BMPR1B: variants seen among roughly 807,000 people sequenced by gnomAD.
BMPR1B encodes the protein bone morphogenetic protein receptor type 1B, also known as bone morphogenetic protein receptor type-1B.
A neutral mutation model predicts 59.1 loss-of-function variants in BMPR1B; 12 were observed. The ratio of observed to expected loss-of-function variants is 0.20; its 90% CI spans 0.13 to 0.33. The LOEUF (loss-of-function observed/expected upper bound fraction) is 0.33, where lower values mean the gene tolerates loss of function less well. Ranked by LOEUF, BMPR1B falls within the 10% of genes least tolerant of loss-of-function variation. The pLI is 1.00. For synonymous variants in BMPR1B, 237 were observed against 207.3 expected (o/e 1.14, Z -1.23); for missense variants, 550 against 610.9 (o/e 0.90, Z 1.05).
chr4:95,003,028 A>G (rs913508043), intron 3 of BMPR1B, among the ~76,000 whole-genome samples: 1 of 151,834 alleles, frequency 6.6e-6, no homozygotes, highest in African/African-American at 2.4e-5. Flanking sequence ...GATTTTTTAA[A>G]TATCTATTAG....
intron 3 of BMPR1B, among the ~76,000 whole-genome samples, chr4:95,071,652 G>GTGTGTATATATATATATATATA (rs59539011): frequency 1.2e-5 from 1 of 84,342 alleles, no homozygotes; most frequent in Non-Finnish European, 2.5e-5. Flanking sequence ...GTGTGTGTGT[G>GTGTGTATATATATATATATATA]TATATATATA....
At chr4:95,004,953 A>G (rs1037766492) in intron 3 of BMPR1B, among the ~76,000 whole-genome samples, 8 of 152,206 alleles carry the variant, frequency 5.3e-5, no homozygotes, top group African/African-American at 1.9e-4. Flanking sequence ...AATACCTCAC[A>G]TGTAATTATT....
At chr4:95,125,520 G>C (rs1398737668) in intron 8 of BMPR1B, among the ~76,000 whole-genome samples, 2 of 152,092 alleles carry the variant, frequency 1.3e-5, no homozygotes, top group East Asian at 3.9e-4. Context: ...CAGCTGTGGG[G>C]TTTATGTTTC....
intron 3 of BMPR1B, among the ~76,000 whole-genome samples, chr4:95,045,580 C>T (rs1309616133): frequency 6.6e-6 from 1 of 152,146 alleles, no homozygotes; most frequent in African/African-American, 2.4e-5. Flanking sequence ...CCTTTGCCTT[C>T]CCTTCACCCA....
At chr4:94,971,032 G>A (rs910930529) in intron 2 of BMPR1B, among the ~76,000 whole-genome samples, 4 of 152,134 alleles carry the variant, frequency 2.6e-5, no homozygotes, top group Non-Finnish European at 5.9e-5. Context: ...AACAATTGAA[G>A]CTTTTTTCCC....
intron 3 of BMPR1B, among the ~76,000 whole-genome samples, chr4:95,070,317 ATGAT>A (rs1728183217): frequency 6.6e-6 from 1 of 152,102 alleles, no homozygotes. Context: ...GAAGATTAAA[ATGAT>A]TGAGTTGTTG....
At position 94,908,329 on chromosome 4, in the gene BMPR1B, G is replaced by GTT. The variant is rs58910361; in HGVS notation, c.-113+32438_-113+32439dup. On this transcript the variant is annotated intron_variant, in intron 2 of 12. Coordinates refer to ENST00000515059, the MANE Select transcript of BMPR1B (RefSeq NM_001203.3). The stretch of plus-strand genomic sequence containing the variant: ...TATTTTATACATCACATTTGAAATT[G>GTT]TTTTTTTTTTGGTTCCTATTAATTC... Among the ~76,000 whole-genome samples, 412 of 145,288 alleles carry GTT rather than the reference G, an allele frequency of 2.8e-3. 1 individual carries two copies. Among genetic ancestry groups the GTT allele is most frequent in the African/African-American group, 9.6e-3 (382 of 39,894 alleles).
intron 3 of BMPR1B, among the ~76,000 whole-genome samples, chr4:95,082,090 G>T (rs911703469): frequency 6.7e-6 from 1 of 149,372 alleles, no homozygotes; most frequent in Non-Finnish European, 1.5e-5. Context: ...CCATTAACTC[G>T]TCATTTAGCA....
chr4:95,130,786 AATGGTGTGATCTC>A (rs1178583210), intron 9 of BMPR1B, among the ~76,000 whole-genome samples: 1 of 127,710 alleles, frequency 7.8e-6, no homozygotes, highest in Non-Finnish European at 1.5e-5. Context: ...GCTGGAGTGC[AATGGTGTGATCTC>A]CGCTCACGGT....
chr4:94,879,707 T>A (rs1463376875), intron 2 of BMPR1B, among the ~76,000 whole-genome samples: 1 of 152,172 alleles, frequency 6.6e-6, no homozygotes, highest in African/African-American at 2.4e-5. Context: ...ATCTTTAAAT[T>A]TTTTTCCCCA....
At chr4:94,796,940 C>T (rs1040763633) in intron 1 of BMPR1B, among the ~76,000 whole-genome samples, 4 of 152,170 alleles carry the variant, frequency 2.6e-5, no homozygotes, top group Non-Finnish European at 4.4e-5. Context: ...TATAGTTTGG[C>T]CTCTGTTGGA....
chr4:94,998,351 A>T (rs570057533), intron 3 of BMPR1B, among the ~76,000 whole-genome samples: 1 of 148,208 alleles, frequency 6.7e-6, no homozygotes, highest in East Asian at 2.0e-4. Context: ...TTGTTCTACT[A>T]GTAGTCCAGC....
At chr4:94,790,834 G>A (rs1405011938) in intron 1 of BMPR1B, among the ~76,000 whole-genome samples, 5 of 152,134 alleles carry the variant, frequency 3.3e-5, no homozygotes, top group African/African-American at 4.8e-5. Flanking sequence ...ATCACGATGA[G>A]TGGCTCCTTT....
At chr4:95,125,251 G>T in intron 8 of BMPR1B, 130 bp downstream of exon 8, 1 of 1,178,504 alleles carries the variant, frequency 8.5e-7, no homozygotes, top group Non-Finnish European at 1.2e-6. Context: ...TTGGACATCC[G>T]ATCTCAGCTG....
intron 2 of BMPR1B, among the ~76,000 whole-genome samples, chr4:94,941,068 T>G (rs912587163): frequency 6.6e-6 from 1 of 152,194 alleles, no homozygotes; most frequent in Non-Finnish European, 1.5e-5. Flanking sequence ...AACTAGTTTC[T>G]TTCTCCATGT....
chr4:94,849,944 T>G (rs1451600011), intron 1 of BMPR1B, among the ~76,000 whole-genome samples: 1 of 152,142 alleles, frequency 6.6e-6, no homozygotes, highest in Non-Finnish European at 1.5e-5. Flanking sequence ...TAGGATCTAC[T>G]GTATTCTCTC....
chr4:94,843,880 G>C (rs1330913239), intron 1 of BMPR1B, among the ~76,000 whole-genome samples: 2 of 152,060 alleles, frequency 1.3e-5, no homozygotes, highest in Non-Finnish European at 2.9e-5. Context: ...TTCCAGTTTT[G>C]TAGGAATAAT....
chr4:94,797,627 G>A (rs942186795), intron 1 of BMPR1B, among the ~76,000 whole-genome samples: 55 of 152,318 alleles, frequency 3.6e-4, no homozygotes, highest in African/African-American at 1.2e-3. Flanking sequence ...ACTATGTAGT[G>A]TTCCCCAGAT....
chr4:94,854,809 A>G (rs542689465), intron 1 of BMPR1B, among the ~76,000 whole-genome samples: 32 of 152,272 alleles, frequency 2.1e-4, no homozygotes, highest in African/African-American at 7.7e-4. Context: ...CTTATTTTCC[A>G]AAAAGCTACT....
Sources: allele counts gnomAD v4.1 joint callset (sites outside exome capture counted in the v4.1 genomes callset), GRCh38; gene constraint gnomAD v4.1.1; transcripts MANE v1.5; gene names NCBI Gene and HGNC (gene_info 2026-07-23, HGNC 2026-07-21).